The following DCDC1 variants were observed in gnomAD, a reference collection of about 807,000 sequenced individuals.
DCDC1 encodes the protein doublecortin domain containing 1, also known as doublecortin domain-containing protein 1.
A neutral mutation model predicts 178.3 loss-of-function variants in DCDC1; 200 were observed. The ratio of observed to expected loss-of-function variants is 1.12; its 90% confidence interval spans 1.00 to 1.26. The LOEUF (loss-of-function observed/expected upper bound fraction) is 1.26, where lower values mean the gene tolerates loss of function less well. DCDC1 is among the 50% of genes most tolerant of loss of function. The pLI, the probability that DCDC1 is intolerant of heterozygous loss-of-function variation, is 0.00. For missense variants in DCDC1, 1,983 were observed against 1,749.2 expected (o/e 1.13, Z -2.38); for synonymous variants, 690 against 604.8 (o/e 1.14, Z -2.07).
chr11:31,236,391 T>C (rs975719890), intron 9 of DCDC1, among the ~76,000 whole-genome samples: 4 of 152,076 alleles, frequency 2.6e-5, no homozygotes, highest in African/African-American at 9.6e-5. Context: ...TTTTATTGAT[T>C]GCTCAGATCA....
In DCDC1 at chr11:31,357,160, C is replaced by T. The variant is rs1362278879; in HGVS notation, c.-125+12537G>A. Among the ~76,000 whole-genome samples, 26 of 152,208 alleles carry T rather than the reference C, an allele frequency of 1.7e-4. No individual in the cohort carries two copies. The East Asian group carries it at 3.1e-3, about 18-fold the overall frequency. On this transcript the variant is annotated intron_variant, in intron 1 of 38. Transcript: ENST00000684477. ...AAAAGAGAATTTTAGACCAATATCCCTGATGAACATTGATGCTAAAATCCT... is the reference window on the plus strand; with the variant it reads ...AAAAGAGAATTTTAGACCAATATCCTTGATGAACATTGATGCTAAAATCCT...
intron 3 of DCDC1, among the ~76,000 whole-genome samples, chr11:31,323,943 T>C (rs1949512356): frequency 6.6e-6 from 1 of 152,088 alleles, no homozygotes; most frequent in South Asian, 2.1e-4. Context: ...TAAAATACAA[T>C]TTAAACATCA....
At chr11:31,203,100 A>G (rs1370386171) in intron 9 of DCDC1, among the ~76,000 whole-genome samples, 1 of 152,226 alleles carries the variant, frequency 6.6e-6, no homozygotes, top group African/African-American at 2.4e-5. Context: ...CACTTCGATG[A>G]GACTGCAAAC....
intron 17 of DCDC1, among the ~76,000 whole-genome samples, chr11:31,087,606 T>C (rs899027656): frequency 6.6e-6 from 1 of 152,166 alleles, no homozygotes; most frequent in African/African-American, 2.4e-5. Context: ...CATGGGTTTG[T>C]TATAAATGTG....
chr11:30,984,813 G>C (rs1210543691), intron 20 of DCDC1, among the ~76,000 whole-genome samples: 2 of 152,164 alleles, frequency 1.3e-5, no homozygotes, highest in Non-Finnish European at 1.5e-5. Context: ...CCAAATGACA[G>C]GGGGAACCGC....
chr11:30,985,858 C>A (rs570641946), intron 20 of DCDC1, among the ~76,000 whole-genome samples: 51 of 152,142 alleles, frequency 3.4e-4, no homozygotes, highest in African/African-American at 1.1e-3. Flanking sequence ...TAAATTATGA[C>A]AAATTTTTTT....
chr11:31,065,369 C>T (rs895062232), intron 18 of DCDC1, among the ~76,000 whole-genome samples: 1 of 152,154 alleles, frequency 6.6e-6, no homozygotes, highest in African/African-American at 2.4e-5. Context: ...AGTTTCACTA[C>T]ATAGCTCATT....
chr11:30,883,406 G>A, intron 36 of DCDC1: 1 of 410,830 alleles, frequency 2.4e-6, no homozygotes, highest in Non-Finnish European at 4.9e-6. Context: ...ATACATTATT[G>A]GTGTTACTGG....
intron 1 of DCDC1, among the ~76,000 whole-genome samples, chr11:31,340,405 A>G (rs1277782851): frequency 6.6e-6 from 1 of 152,082 alleles, no homozygotes; most frequent in Non-Finnish European, 1.5e-5. Context: ...AGGCTAGGTA[A>G]CTGTAGCTGT....
At position 31,322,198 on chromosome 11, in the gene DCDC1, G is replaced by A. The variant is rs564604298; in HGVS notation, c.164+5919C>T. On this transcript the variant is annotated intron_variant, in intron 3 of 38. Coordinates refer to ENST00000684477, the MANE Select transcript of DCDC1 (RefSeq NM_001387274.1). ...TTCCACAGGAACTCAATCAGTGGTCGATATGCAGGAATTATTCTTTGATAA... is the reference window on the plus strand; with the variant it reads ...TTCCACAGGAACTCAATCAGTGGTCAATATGCAGGAATTATTCTTTGATAA... Among the ~76,000 whole-genome samples, 157 of 152,208 alleles carry A rather than the reference G, an allele frequency of 1.0e-3. 1 individual carries two copies. Among genetic ancestry groups the A allele is most frequent in the African/African-American group, 3.5e-3 (145 of 41,508 alleles).
At chr11:31,280,091 T>C (rs948393919) in intron 7 of DCDC1, among the ~76,000 whole-genome samples, 2 of 152,138 alleles carry the variant, frequency 1.3e-5, no homozygotes, top group African/African-American at 4.8e-5. Context: ...ACCTTTGATA[T>C]TACACATAAA....
intron 20 of DCDC1, among the ~76,000 whole-genome samples, chr11:30,995,848 T>TTTA (rs2134975710): frequency 1.3e-5 from 2 of 152,242 alleles, no homozygotes; most frequent in East Asian, 3.9e-4. Context: ...AATAGGAGTT[T>TTTA]GGCCATGAGA....
chr11:31,102,209 C>T lies in DCDC1; in HGVS notation c.1951G>A (p.Val651Met), dbSNP rs756328626. The change falls in exon 15 of 39, where the codon GTG (valine) becomes ATG (methionine). Residue 651 changes from valine to methionine, a missense_variant. Physicochemically the swap from Val to Met is conservative, Grantham distance 21. Coordinates refer to ENST00000684477, the MANE Select transcript of DCDC1 (RefSeq NM_001387274.1). ...SQQIPDQFEK[V>M]DLENHFLQNK... ...TGTAGAAAATGGTTCTCCAAGTCCA[C>T]CTTTTCAAACTGGTCAGGTATCTGT... is the stretch of plus-strand genomic sequence containing the variant. The T allele has an allele frequency of 1.4e-6, 1 of 730,886 alleles. No individual in the cohort carries two copies. The highest frequency in any genetic ancestry group is 1.5e-5 in the South Asian group (1 of 67,890). The allele number at this position is 730,886 out of a possible 1,614,324, so 45.3% of individuals were successfully genotyped here. A position where few individuals can be genotyped will look rare whatever the true frequency, so the allele number is the denominator to read the frequency against.
rs541317668 is a variant in DCDC1, at chr11:30,933,709, C to T, written c.2716-1757G>A. On this transcript the variant is annotated intron_variant, in intron 21 of 38. Transcript: ENST00000684477. ...TTGCTTCTTGTGAGAAACACACTCA[C>T]GCATCCAAACCCAAAGAATGGACGT... Among the ~76,000 whole-genome samples the T allele has an allele frequency of 1.9e-4, 29 of 152,274 alleles. 1 individual carries two copies. The South Asian group carries it at 5.2e-3, about 27-fold the overall frequency.
intron 7 of DCDC1, among the ~76,000 whole-genome samples, chr11:31,287,154 G>A (rs10767895): frequency 0.24 from 36,556 of 151,642 alleles, 4,475 homozygotes; most frequent in East Asian, 0.3. Context: ...CATATTTAAA[G>A]TAAGTCTGTA....
In DCDC1 at chr11:30,916,915, G is replaced by A. The variant is rs141655703; in HGVS notation, c.3407C>T (p.Thr1136Met). ...FDEDDSLPKK[T>M]EKGLFENVEP... ...CACATTTTCAAAGAGCCCTTTTTCC[G>A]TTTTCTTTGGAAGACTGTCATCCTC... Residue 1136 changes from threonine to methionine, a missense_variant, in exon 26 of 39, where the codon ACG (threonine) becomes ATG (methionine). Physicochemically the swap from Thr to Met is moderately conservative, Grantham distance 81 (BLOSUM62 -1). Transcript: ENST00000684477. The A allele has an allele frequency of 1.1e-4, 169 of 1,607,648 alleles. No individual in the cohort carries two copies. The highest frequency in any genetic ancestry group is 2.4e-4 in the South Asian group (21 of 89,166).
chr11:31,360,716 G>C (rs1353225800), intron 1 of DCDC1, among the ~76,000 whole-genome samples: 1 of 152,158 alleles, frequency 6.6e-6, no homozygotes, highest in African/African-American at 2.4e-5. Context: ...TGGTATGTTA[G>C]AAGTGGAAAG....
chr11:30,951,820 G>A (rs1948445466), intron 21 of DCDC1, among the ~76,000 whole-genome samples: 1 of 152,032 alleles, frequency 6.6e-6, no homozygotes, highest in African/African-American at 2.4e-5. Flanking sequence ...ACAAGAAAGG[G>A]GTGAGGGGAG....
chr11:30,909,772 G>T (rs527657700), intron 28 of DCDC1, among the ~76,000 whole-genome samples: 1 of 152,116 alleles, frequency 6.6e-6, no homozygotes, highest in South Asian at 2.1e-4. Context: ...TATCAAAGAG[G>T]TTTATTTTTT....
Sources: gnomAD v4.1 joint callset for allele counts (sites outside exome capture counted in the v4.1 genomes callset) on GRCh38, gnomAD v4.1.1 for gene constraint, MANE v1.5 for transcripts, NCBI Gene and HGNC (gene_info 2026-07-23, HGNC 2026-07-21) for gene names.